Variants in DENND5A observed in about 807,000 individuals in gnomAD.
DENND5A encodes DENN domain containing 5A, also known as DENN domain-containing protein 5A.
Under a neutral mutation model 140.3 loss-of-function variants are expected in DENND5A, and 64 were observed. That is an observed-to-expected ratio of 0.46 (90% CI 0.37 to 0.56). The LOEUF (loss-of-function observed/expected upper bound fraction) is 0.56. Among genes scored for constraint, DENND5A ranks in the 20% least tolerant of loss-of-function variants. DENND5A has a pLI of 0.00. For missense variants in DENND5A, 1,292 were observed against 1,593.8 expected, an observed-to-expected ratio of 0.81 and a Z score of 3.22; for synonymous variants, 605 against 607.7, an observed-to-expected ratio of 1.00 and a Z score of 0.07.
intron 12 of DENND5A, among the ~76,000 whole-genome samples, chr11:9,156,870 TGGAAGGAAGGAAGGAA>T (rs3074636): frequency 1.0e-3 from 144 of 142,652 alleles, no homozygotes; most frequent in African/African-American, 3.3e-3. Context: ...GAAGGATGGA[TGGAAGGAAGGAAGGAA>T]GGAAGGAAGG....
At chr11:9,205,348 G>A (rs1424871579) in intron 3 of DENND5A, among the ~76,000 whole-genome samples, 2 of 152,034 alleles carry the variant, frequency 1.3e-5, no homozygotes, top group Non-Finnish European at 2.9e-5. Context: ...GATATCCTGG[G>A]TTAACAAATA....
intron 1 of DENND5A, among the ~76,000 whole-genome samples, chr11:9,237,259 A>C (rs1851042699): frequency 6.6e-6 from 1 of 152,170 alleles, no homozygotes; most frequent in African/African-American, 2.4e-5. Flanking sequence ...TCTACTAAAA[A>C]TACAAAAAAT....
Position 9,142,774 on chromosome 11 carries a change from A to T in DENND5A, c.3459T>A (p.His1153Gln). Reference protein sequence around the residue: ...LVSALEQAFQHGFKSPRLFKN... With the variant: ...LVSALEQAFQQGFKSPRLFKN... The stretch of plus-strand genomic sequence containing the variant: ...TGAAGAGCCGGGGCGATTTAAATCC[A>T]TGCTGGAAAGCCTGTTCCAAGGCCG... The change falls in exon 21 of 23, where the codon CAT (histidine) becomes CAA (glutamine). Residue 1153 changes from histidine (H) to glutamine (Q), a missense_variant. This residue lies in a region of DENND5A where 498 missense variants were observed against 689.7 expected (regional missense o/e 0.72). Transcript: ENST00000328194. 1 of 1,614,172 alleles carries T rather than the reference A, an allele frequency of 6.2e-7. No homozygotes were observed. Among genetic ancestry groups the T allele is most frequent in the Non-Finnish European group, 8.5e-7 (1 of 1,180,020 alleles).
intron 1 of DENND5A, among the ~76,000 whole-genome samples, chr11:9,246,606 A>G (rs1429027940): frequency 2.9e-5 from 4 of 138,924 alleles, no homozygotes; most frequent in African/African-American, 5.5e-5. Flanking sequence ...AGTGAAACTA[A>G]GTCTCAAAAA....
intron 11 of DENND5A, among the ~76,000 whole-genome samples, chr11:9,161,479 C>G (rs1239027162): frequency 6.6e-6 from 1 of 152,228 alleles, no homozygotes; most frequent in Non-Finnish European, 1.5e-5. Flanking sequence ...TTCAGTCATG[C>G]TTATCTCTGA....
At chr11:9,149,559 A>G (rs77385544) in intron 15 of DENND5A, among the ~76,000 whole-genome samples, 1,997 of 152,334 alleles carry the variant, frequency 0.013, 49 homozygotes, top group African/African-American at 0.045. Context: ...AAACTCTGGG[A>G]AAGAAAACTG....
At chr11:9,239,886 C>T (rs1389088939) in intron 1 of DENND5A, among the ~76,000 whole-genome samples, 2 of 152,176 alleles carry the variant, frequency 1.3e-5, no homozygotes, top group African/African-American at 4.8e-5. Flanking sequence ...CTCTTTCAAC[C>T]CTCAGATTCT....
intron 12 of DENND5A, 129 bp downstream of exon 12, chr11:9,160,584 A>C: frequency 1.5e-6 from 1 of 650,224 alleles, no homozygotes; most frequent in East Asian, 2.8e-5. Context: ...TGTTTATTTC[A>C]AATCTCACTC....
chr11:9,139,510 TA>T lies in DENND5A; in HGVS notation c.*160del. On this transcript the variant is annotated 3_prime_UTR_variant, in exon 23 of 23. Coordinates refer to ENST00000328194, the MANE Select transcript of DENND5A (RefSeq NM_015213.4). ...AAAAAGCAAATCAGCAAATAAACTC[TA>T]AAATAGATTATTTATTCCAAAAATC... 1 of 677,752 alleles carries T rather than the reference TA, an allele frequency of 1.5e-6. No homozygotes were observed. The highest frequency in any genetic ancestry group is 2.4e-6 in the Non-Finnish European group (1 of 410,510). The allele number at this position is 677,752 out of a possible 1,614,324, so 42.0% of individuals were successfully genotyped here.
At chr11:9,223,539 C>T (rs1850404929) in intron 1 of DENND5A, among the ~76,000 whole-genome samples, 1 of 150,694 alleles carries the variant, frequency 6.6e-6, no homozygotes, top group Non-Finnish European at 1.5e-5. Flanking sequence ...GACTCCATCT[C>T]AAAAAAATTA....
At chr11:9,163,567 G>A (rs534263561) in intron 11 of DENND5A, among the ~76,000 whole-genome samples, 1 of 152,186 alleles carries the variant, frequency 6.6e-6, no homozygotes, top group Non-Finnish European at 1.5e-5. Context: ...CACTTTGGAG[G>A]CCGAGGCAGA....
chr11:9,228,094 T>C (rs368604617), intron 1 of DENND5A, among the ~76,000 whole-genome samples: 2 of 106,516 alleles, frequency 1.9e-5, no homozygotes, highest in Non-Finnish European at 3.4e-5. Context: ...GCCTGGGCGA[T>C]AGCAAGACTC....
At chr11:9,226,658 A>C (rs942040750) in intron 1 of DENND5A, among the ~76,000 whole-genome samples, 1 of 152,218 alleles carries the variant, frequency 6.6e-6, no homozygotes, top group Non-Finnish European at 1.5e-5. Flanking sequence ...GATGCTAATT[A>C]TAACAGAGCT....
chr11:9,173,109 A>C (rs1848427785), intron 8 of DENND5A, among the ~76,000 whole-genome samples: 2 of 152,050 alleles, frequency 1.3e-5, no homozygotes, highest in Admixed American at 1.3e-4. Flanking sequence ...TACAGGAGTG[A>C]GCCACCGCGC....
chr11:9,189,159 G>A (rs909284607), intron 5 of DENND5A, among the ~76,000 whole-genome samples: 1 of 152,236 alleles, frequency 6.6e-6, no homozygotes, highest in African/African-American at 2.4e-5. Flanking sequence ...AGCTCAGGCT[G>A]TGGCTTCAGA....
At chr11:9,146,124 C>T (rs566754930) in intron 16 of DENND5A, among the ~76,000 whole-genome samples, 23 of 152,340 alleles carry the variant, frequency 1.5e-4, no homozygotes, top group Admixed American at 1.3e-3. Context: ...CAACTCCTAA[C>T]ATTGTACTGA....
At chr11:9,170,502 G>C (rs1362473378) in intron 9 of DENND5A, 125 bp downstream of exon 9, 8 of 1,218,626 alleles carry the variant, frequency 6.6e-6, no homozygotes, top group Non-Finnish European at 8.1e-6. Context: ...TAGATAGTCT[G>C]GGTCTTCTCC....
intron 21 of DENND5A, among the ~76,000 whole-genome samples, chr11:9,142,449 G>T (rs568093944): frequency 7.9e-5 from 12 of 152,122 alleles, no homozygotes; most frequent in Non-Finnish European, 1.5e-4. Context: ...GATCTATAAG[G>T]GGAAAGTGTG....
At chr11:9,247,269 G>A (rs1476708863) in intron 1 of DENND5A, among the ~76,000 whole-genome samples, 1 of 151,794 alleles carries the variant, frequency 6.6e-6, no homozygotes, top group East Asian at 1.9e-4. Context: ...AAGCCACTGG[G>A]GAGGCCAGGA....
Sources: allele counts gnomAD v4.1 joint callset (sites outside exome capture counted in the v4.1 genomes callset), GRCh38; gene constraint gnomAD v4.1.1; regional missense constraint gnomAD v4.1.1; transcripts MANE v1.5; gene names NCBI Gene and HGNC (gene_info 2026-07-23, HGNC 2026-07-21).